Variants in MTUS2 observed in about 807,000 individuals in gnomAD.
The protein encoded by MTUS2 is microtubule-associated tumor suppressor candidate 2.
MTUS2 carries 40 observed loss-of-function variants against 114.1 expected under a neutral mutation model. The ratio of observed to expected loss-of-function variants is 0.35; its 90% confidence interval spans 0.27 to 0.46. MTUS2 has a LOEUF of 0.46. Ranked by LOEUF, MTUS2 falls within the 20% of genes least tolerant of loss-of-function variation. MTUS2 has a pLI of 1.00. For synonymous variants in MTUS2, 688 were observed against 672.0 expected (o/e 1.02, Z -0.37); for missense variants, 1,679 against 1,705.4 (o/e 0.98, Z 0.27).
intron 5 of MTUS2, among the ~76,000 whole-genome samples, chr13:29,208,590 G>T (rs904934757): frequency 5.9e-5 from 9 of 151,852 alleles, no homozygotes; most frequent in Admixed American, 1.3e-4. Flanking sequence ...TCCTCTTAAT[G>T]CTGGTTTTGT....
At chr13:28,859,235 A>G (rs1161458) in intron 2 of MTUS2, among the ~76,000 whole-genome samples, 116,178 of 152,100 alleles carry the variant, frequency 0.76, 45,097 homozygotes, top group Non-Finnish European at 0.82. Flanking sequence ...TTCAGTGGTC[A>G]GTACTACAGG....
At chr13:29,207,497 G>T (rs1238324629) in intron 5 of MTUS2, among the ~76,000 whole-genome samples, 1 of 152,128 alleles carries the variant, frequency 6.6e-6, no homozygotes, top group Non-Finnish European at 1.5e-5. Context: ...TCCTTGACTG[G>T]TTCCAGTTCT....
intron 2 of MTUS2, among the ~76,000 whole-genome samples, chr13:28,889,748 C>G (rs965955296): frequency 2.0e-5 from 3 of 152,194 alleles, no homozygotes; most frequent in East Asian, 3.9e-4. Flanking sequence ...CCATAATAAT[C>G]AATAGCAATA....
chr13:29,170,033 A>G (rs915800983), intron 5 of MTUS2, among the ~76,000 whole-genome samples: 25 of 79,966 alleles, frequency 3.1e-4, no homozygotes, highest in African/African-American at 1.1e-3. Flanking sequence ...GAAAAATCAC[A>G]GTAGTGGTTG....
chr13:29,487,253 G>C (rs536889060), intron 10 of MTUS2, among the ~76,000 whole-genome samples: 1 of 152,142 alleles, frequency 6.6e-6, no homozygotes, highest in Non-Finnish European at 1.5e-5. Context: ...AGTCTTGCTT[G>C]GGGGAGGTGA....
chr13:28,890,066 T>G (rs1242741353), intron 2 of MTUS2, among the ~76,000 whole-genome samples: 1 of 152,226 alleles, frequency 6.6e-6, no homozygotes, highest in Non-Finnish European at 1.5e-5. Context: ...AAGTGCAGTG[T>G]TGTCCCTGGA....
Position 29,470,752 on chromosome 13 carries a change from CCTT to C in MTUS2, c.3185-9395_3185-9393del, listed in dbSNP as rs1050011093. Among the ~76,000 whole-genome samples, 433 of 152,352 alleles carry C rather than the reference CCTT, an allele frequency of 2.8e-3. 3 individuals are homozygous for C. The highest frequency in any genetic ancestry group is 1.0e-2 in the African/African-American group (415 of 41,582). On this transcript the variant is annotated intron_variant, in intron 9 of 15. Transcript: ENST00000612955. ...CCTACCTTCCTCTGGAACTTCACCT[CCTT>C]CTGCTCTCCTCCATGGGCACTCAGG...
intron 4 of MTUS2, among the ~76,000 whole-genome samples, chr13:29,073,834 G>A (rs1889057403): frequency 6.6e-6 from 1 of 151,806 alleles, no homozygotes; most frequent in Admixed American, 6.6e-5. Flanking sequence ...CTCTCAGTGG[G>A]ACATGGTTTA....
chr13:29,377,175 C>T (rs1485213007), intron 8 of MTUS2, among the ~76,000 whole-genome samples: 2 of 152,168 alleles, frequency 1.3e-5, no homozygotes, highest in Non-Finnish European at 2.9e-5. Context: ...TTCAACACCC[C>T]TGGCTCAGTA....
intron 6 of MTUS2, among the ~76,000 whole-genome samples, chr13:29,314,990 A>G (rs1233546753): frequency 1.3e-5 from 2 of 152,236 alleles, no homozygotes; most frequent in Non-Finnish European, 2.9e-5. Context: ...CCATTCATCC[A>G]TTAAAAAGAA....
chr13:28,823,772 A>G (rs910112168), intron 1 of MTUS2, among the ~76,000 whole-genome samples: 16 of 152,222 alleles, frequency 1.1e-4, no homozygotes, highest in African/African-American at 3.4e-4. Flanking sequence ...TAAAGGAAAG[A>G]GGTTTAATTG....
intron 5 of MTUS2, among the ~76,000 whole-genome samples, chr13:29,215,155 C>G (rs917651198): frequency 6.6e-6 from 1 of 151,512 alleles, no homozygotes; most frequent in Non-Finnish European, 1.5e-5. Context: ...ATGGATTTGG[C>G]TATTGATACT....
chr13:29,403,792 T>A (rs929279949), intron 8 of MTUS2, among the ~76,000 whole-genome samples: 1 of 152,160 alleles, frequency 6.6e-6, no homozygotes, highest in African/African-American at 2.4e-5. Context: ...TCTTGGAACT[T>A]CTCAGCCTCT....
At chr13:29,127,373 T>C (rs1891564042) in intron 5 of MTUS2, among the ~76,000 whole-genome samples, 1 of 152,244 alleles carries the variant, frequency 6.6e-6, no homozygotes, top group Admixed American at 6.5e-5. Context: ...AATCTAGATG[T>C]TACCATGGAG....
chr13:28,911,602 C>A (rs1431154836), intron 2 of MTUS2, among the ~76,000 whole-genome samples: 1 of 151,988 alleles, frequency 6.6e-6, no homozygotes, highest in Non-Finnish European at 1.5e-5. Flanking sequence ...AATGGTTGAA[C>A]TAATCTACAC....
chr13:29,326,058 G>A (rs9508354), intron 7 of MTUS2, among the ~76,000 whole-genome samples: 93,652 of 152,054 alleles, frequency 0.62, 29,601 homozygotes, highest in East Asian at 0.76. Flanking sequence ...CTGGTAATTG[G>A]GTGAGAGATC....
At chr13:29,073,016 T>G in intron 4 of MTUS2, among the ~76,000 whole-genome samples, 1 of 152,194 alleles carries the variant, frequency 6.6e-6, no homozygotes, top group East Asian at 1.9e-4. Context: ...TCCTTCACTT[T>G]CCATTTCCCT....
chr13:29,451,788 A>C (rs1403228046), intron 9 of MTUS2, among the ~76,000 whole-genome samples: 1 of 152,062 alleles, frequency 6.6e-6, no homozygotes, highest in African/African-American at 2.4e-5. Context: ...GGGTTTCACC[A>C]TATTTCTCCA....
At chr13:29,242,792 C>T (rs1834098080) in intron 5 of MTUS2, 2 of 152,126 alleles carry the variant, frequency 1.3e-5, no homozygotes, top group Admixed American at 6.5e-5. Flanking sequence ...CCTACTATTG[C>T]CAGGTATGGT....
Sources: gnomAD v4.1 joint callset for allele counts (sites outside exome capture counted in the v4.1 genomes callset) on GRCh38, gnomAD v4.1.1 for gene constraint, MANE v1.5 for transcripts, NCBI Gene and HGNC (gene_info 2026-07-23, HGNC 2026-07-21) for gene names.